Variants in NAALADL2 observed in about 807,000 individuals in gnomAD.
The protein encoded by NAALADL2 is inactive N-acetylated-alpha-linked acidic dipeptidase-like protein 2.
A neutral mutation model predicts 87.2 loss-of-function variants in NAALADL2; 76 were observed. That is an observed-to-expected ratio of 0.87 (90% CI 0.72 to 1.05). NAALADL2 has a LOEUF of 1.05. Ranked by LOEUF, NAALADL2 falls within the 50% of genes least tolerant of loss-of-function variation. The pLI, the probability that NAALADL2 is intolerant of heterozygous loss-of-function variation, is 0.00. For synonymous variants in NAALADL2, 354 were observed against 331.0 expected (o/e 1.07, Z -0.75); for missense variants, 1,089 against 945.8 (o/e 1.15, Z -1.99).
intron 2 of NAALADL2, among the ~76,000 whole-genome samples, chr3:174,725,926 T>G (rs1732139486): frequency 6.6e-6 from 1 of 152,208 alleles, no homozygotes; most frequent in Non-Finnish European, 1.5e-5. Context: ...GAGATCAGTT[T>G]GAATAAAGGA....
chr3:174,898,623 T>G (rs1159691131), intron 1 of NAALADL2, among the ~76,000 whole-genome samples: 2 of 151,998 alleles, frequency 1.3e-5, no homozygotes, highest in African/African-American at 2.4e-5. Flanking sequence ...CTGCATAAAT[T>G]TATACATCTA....
At chr3:175,571,230 C>T (rs1718037397) in intron 9 of NAALADL2, among the ~76,000 whole-genome samples, 1 of 152,118 alleles carries the variant, frequency 6.6e-6, no homozygotes, top group Non-Finnish European at 1.5e-5. Flanking sequence ...AGATTTAGGA[C>T]TGAGGTAGTG....
At chr3:175,093,891 G>A (rs761186803) in intron 1 of NAALADL2, among the ~76,000 whole-genome samples, 1 of 151,922 alleles carries the variant, frequency 6.6e-6, no homozygotes, top group Non-Finnish European at 1.5e-5. Context: ...TGATGGCTCT[G>A]TCTGATGTTT....
intron 3 of NAALADL2, among the ~76,000 whole-genome samples, chr3:174,783,793 T>C (rs1413066718): frequency 6.6e-6 from 1 of 152,090 alleles, no homozygotes; most frequent in South Asian, 2.1e-4. Flanking sequence ...GAGTGACAAC[T>C]GATTCTCAAT....
intron 3 of NAALADL2, among the ~76,000 whole-genome samples, chr3:174,798,328 A>G (rs1718390198): frequency 1.3e-5 from 2 of 152,068 alleles, no homozygotes; most frequent in Non-Finnish European, 2.9e-5. Flanking sequence ...TATAGTGGGC[A>G]TATATATTTA....
intron 3 of NAALADL2, among the ~76,000 whole-genome samples, chr3:174,827,562 T>A (rs749824888): frequency 2.6e-5 from 4 of 152,228 alleles, no homozygotes; most frequent in Admixed American, 1.3e-4. Flanking sequence ...CCCACTAGGA[T>A]AATCCCAGGT....
At chr3:175,098,752 A>G (rs1721601154) in intron 2 of NAALADL2, among the ~76,000 whole-genome samples, 1 of 152,170 alleles carries the variant, frequency 6.6e-6, no homozygotes, top group African/African-American at 2.4e-5. Flanking sequence ...TAGAAAACAA[A>G]CCAAGAAAAT....
At chr3:174,806,834 C>A (rs971240917) in intron 3 of NAALADL2, among the ~76,000 whole-genome samples, 2 of 152,072 alleles carry the variant, frequency 1.3e-5, no homozygotes, top group Non-Finnish European at 2.9e-5. Flanking sequence ...GTAGTCCTTT[C>A]ATTCTGTATT....
At chr3:175,261,796 A>G (rs1751093615) in intron 4 of NAALADL2, among the ~76,000 whole-genome samples, 1 of 152,126 alleles carries the variant, frequency 6.6e-6, no homozygotes, top group South Asian at 2.1e-4. Flanking sequence ...ATAAATAGAA[A>G]CTAGTATAAG....
chr3:175,035,623 AATAT>A (rs143044792), intron 1 of NAALADL2, among the ~76,000 whole-genome samples: 8,923 of 152,250 alleles, frequency 0.059, 322 homozygotes, highest in Middle Eastern at 0.12. Context: ...TATAGCAATG[AATAT>A]ATAAGAATGT....
intron 1 of NAALADL2, among the ~76,000 whole-genome samples, chr3:174,524,495 G>A (rs937399133): frequency 1.3e-5 from 2 of 152,078 alleles, no homozygotes; most frequent in African/African-American, 4.8e-5. Flanking sequence ...TACACCTTAT[G>A]TAACAATGTT....
intron 1 of NAALADL2, among the ~76,000 whole-genome samples, chr3:174,532,879 T>C (rs975994995): frequency 1.7e-4 from 26 of 152,136 alleles, no homozygotes; most frequent in African/African-American, 5.5e-4. Flanking sequence ...ATGAGGTTTC[T>C]CTTTAAATAA....
intron 2 of NAALADL2, among the ~76,000 whole-genome samples, chr3:174,554,235 C>T (rs188823182): frequency 6.6e-6 from 1 of 152,004 alleles, no homozygotes; most frequent in African/African-American, 2.4e-5. Flanking sequence ...TATACATAAA[C>T]AAAATAGTAT....
rs186735167 is a variant in NAALADL2, at chr3:174,781,943, G to A, written c.-9+44197G>A. Among the ~76,000 whole-genome samples the A allele has an allele frequency of 1.7e-3, 266 of 152,200 alleles. 2 individuals are homozygous for A. Among genetic ancestry groups the A allele is most frequent in the African/African-American group, 6.1e-3 (255 of 41,522 alleles). ...ATGTAAATATAAAGGAATACTCCAC[G>A]TGTTCATGTATTACTTAATACAAGA... is the stretch of plus-strand genomic sequence containing the variant. On this transcript the variant is annotated intron_variant, in intron 3 of 3. Coordinates refer to the NAALADL2 transcript ENST00000434257.
intron 4 of NAALADL2, among the ~76,000 whole-genome samples, chr3:175,318,051 C>A (rs1759377006): frequency 6.6e-6 from 1 of 152,050 alleles, no homozygotes; most frequent in South Asian, 2.1e-4. Flanking sequence ...TTTTAATTAA[C>A]AAATTAAAAA....
chr3:175,012,890 A>G (rs1455444274), intron 1 of NAALADL2, among the ~76,000 whole-genome samples: 2 of 150,168 alleles, frequency 1.3e-5, no homozygotes, highest in Non-Finnish European at 3.0e-5. Context: ...CATTTCAGAA[A>G]CAAAACCACT....
intron 13 of NAALADL2, among the ~76,000 whole-genome samples, chr3:175,770,625 G>A (rs1749366426): frequency 6.6e-6 from 1 of 152,064 alleles, no homozygotes; most frequent in East Asian, 1.9e-4. Context: ...TTTCTGGAAG[G>A]GATAGCCTTC....
At chr3:175,518,061 C>T (rs1732132444) in intron 9 of NAALADL2, among the ~76,000 whole-genome samples, 1 of 152,176 alleles carries the variant, frequency 6.6e-6, no homozygotes, top group African/African-American at 2.4e-5. Flanking sequence ...CATGCCTAGT[C>T]CCAGATAGCC....
At chr3:174,630,118 A>G (rs186190038) in intron 2 of NAALADL2, among the ~76,000 whole-genome samples, 77 of 152,302 alleles carry the variant, frequency 5.1e-4, no homozygotes, top group African/African-American at 1.8e-3. Flanking sequence ...TAAAAACTAA[A>G]CTGCATATTT....
Sources: allele counts gnomAD v4.1 joint callset (sites outside exome capture counted in the v4.1 genomes callset), GRCh38; gene constraint gnomAD v4.1.1; transcripts MANE v1.5; gene names NCBI Gene and HGNC (gene_info 2026-07-23, HGNC 2026-07-21).